DRC11: variants seen among roughly 807,000 people sequenced by gnomAD.
The protein encoded by DRC11 is IQ and AAA domain-containing protein 1.
At chr2:236,472,456 G>T in the DRC11 span, among the ~76,000 whole-genome samples, 3 of 152,080 alleles carry the variant, frequency 2.0e-5, no homozygotes, top group Non-Finnish European at 4.4e-5. The surrounding 1 kb of genome is among the most constrained non-coding windows in gnomAD (Gnocchi z 4.6). Context: ...GATGACAAAG[G>T]CCAGGACGTT....
At chr2:236,357,046 T>G in the DRC11 span, among the ~76,000 whole-genome samples, 16 of 95,308 alleles carry the variant, frequency 1.7e-4, 1 homozygote, top group East Asian at 1.6e-3. Context: ...TATTCATATA[T>G]TATATATCTA....
At chr2:236,341,093 G>A in the DRC11 span, among the ~76,000 whole-genome samples, 2 of 152,220 alleles carry the variant, frequency 1.3e-5, no homozygotes, top group Non-Finnish European at 2.9e-5. Flanking sequence ...TTTCAAATTA[G>A]TGGCTAGCAT....
chr2:236,378,990 A>G, the DRC11 span, among the ~76,000 whole-genome samples: 6 of 152,240 alleles, frequency 3.9e-5, no homozygotes, highest in African/African-American at 1.4e-4. Flanking sequence ...CCATTTCTCT[A>G]GAGAGCAGAA....
the DRC11 span, among the ~76,000 whole-genome samples, chr2:236,320,589 T>C: frequency 1.3e-5 from 2 of 152,110 alleles, no homozygotes; most frequent in African/African-American, 4.8e-5. Context: ...TGCCCTGACA[T>C]TGGTTTTGGG....
At chr2:236,442,310 A>G in the DRC11 span, among the ~76,000 whole-genome samples, 1 of 152,184 alleles carries the variant, frequency 6.6e-6, no homozygotes, top group African/African-American at 2.4e-5. Context: ...ATGGCAATTA[A>G]CCGGATGCTT....
the DRC11 span, chr2:236,503,823 G>A: frequency 3.3e-5 from 28 of 860,652 alleles, no homozygotes; most frequent in Middle Eastern, 5.5e-4. The surrounding 1 kb of genome is among the most constrained non-coding windows in gnomAD (Gnocchi z 4.9). Flanking sequence ...CCCACTTTGC[G>A]CTCAGCCCAT....
chr2:236,405,535 G>A, the DRC11 span, among the ~76,000 whole-genome samples: 538 of 152,030 alleles, frequency 3.5e-3, 1 homozygote, highest in African/African-American at 0.012. This position sits in a 1 kb window ranked among gnomAD's most constrained non-coding sequence, Gnocchi z 4.6. Context: ...ATGCTCAACC[G>A]CACAGAAAGC....
At chr2:236,416,708 C>CATATATATATATTTTTATATATATAT in the DRC11 span, among the ~76,000 whole-genome samples, 2 of 74,588 alleles carry the variant, frequency 2.7e-5, no homozygotes. Context: ...TATTTATTTA[C>CATATATATATATTTTTATATATATAT]ATATATATAT....
the DRC11 span, among the ~76,000 whole-genome samples, chr2:236,430,464 C>A: frequency 5.3e-5 from 8 of 152,156 alleles, no homozygotes; most frequent in Non-Finnish European, 1.2e-4. The surrounding 1 kb of genome is among the most constrained non-coding windows in gnomAD (Gnocchi z 6.0). Flanking sequence ...TCTTGTTCTG[C>A]GTTTTTCACC....
At chr2:236,360,581 T>G in the DRC11 span, among the ~76,000 whole-genome samples, 1 of 152,220 alleles carries the variant, frequency 6.6e-6, no homozygotes, top group Non-Finnish European at 1.5e-5. The surrounding 1 kb of genome is among the most constrained non-coding windows in gnomAD (Gnocchi z 5.8). Context: ...AACTTGGTAG[T>G]TAAGCACATG....
the DRC11 span, chr2:236,497,395 T>C: frequency 6.2e-7 from 1 of 1,613,898 alleles, no homozygotes; most frequent in Non-Finnish European, 8.5e-7. The surrounding 1 kb of genome is among the most constrained non-coding windows in gnomAD (Gnocchi z 5.1). Context: ...GATGAAAACC[T>C]GATTTCTTTG....
chr2:236,357,015 TTATA>T, the DRC11 span, among the ~76,000 whole-genome samples: 3 of 130,918 alleles, frequency 2.3e-5, no homozygotes, highest in African/African-American at 8.9e-5. Context: ...TATTCATATA[TTATA>T]TATCTATATA....
chr2:236,456,063 A>G, the DRC11 span, among the ~76,000 whole-genome samples: 1 of 152,156 alleles, frequency 6.6e-6, no homozygotes, highest in Non-Finnish European at 1.5e-5. This position sits in a 1 kb window ranked among gnomAD's most constrained non-coding sequence, Gnocchi z 5.4. Flanking sequence ...CTGTGAATAC[A>G]AAGGCCCCAG....
At chr2:236,458,967 C>T in the DRC11 span, among the ~76,000 whole-genome samples, 7 of 152,174 alleles carry the variant, frequency 4.6e-5, no homozygotes, top group East Asian at 1.4e-3. Context: ...ATTTCTTGAA[C>T]CCAGGAGTTG....
the DRC11 span, among the ~76,000 whole-genome samples, chr2:236,395,457 G>T: frequency 6.6e-6 from 1 of 152,212 alleles, no homozygotes; most frequent in South Asian, 2.1e-4. Flanking sequence ...ATATGTGGAA[G>T]TTCGTTCTTT....
the DRC11 span, among the ~76,000 whole-genome samples, chr2:236,404,455 C>T: frequency 2.0e-5 from 3 of 152,316 alleles, no homozygotes; most frequent in South Asian, 6.2e-4. Context: ...CTTCCTGACT[C>T]CTATCCCCAT....
chr2:236,364,874 T>G, the DRC11 span, among the ~76,000 whole-genome samples: 1 of 145,580 alleles, frequency 6.9e-6, no homozygotes, highest in Non-Finnish European at 1.6e-5. Context: ...ACAGAAAATT[T>G]AAGTGATGAT....
At chr2:236,321,577 G>A in the DRC11 span, among the ~76,000 whole-genome samples, 18 of 147,590 alleles carry the variant, frequency 1.2e-4, no homozygotes, top group South Asian at 2.1e-4. Context: ...TGGCTCTGGC[G>A]GACTTTGCAG....
the DRC11 span, among the ~76,000 whole-genome samples, chr2:236,312,818 A>G: frequency 5.3e-5 from 8 of 152,172 alleles, no homozygotes; most frequent in East Asian, 1.5e-3. Flanking sequence ...ATTGAGGGAA[A>G]AAAGAGAAAA....
Sources: allele counts gnomAD v4.1 joint callset (sites outside exome capture counted in the v4.1 genomes callset), GRCh38; gene constraint gnomAD v4.1.1; non-coding constraint Gnocchi (gnomAD v3.1); transcripts MANE v1.5; gene names NCBI Gene and HGNC (gene_info 2026-07-23, HGNC 2026-07-21).